The following GSE1 variants were observed in gnomAD, a reference collection of about 807,000 sequenced individuals.
The protein encoded by GSE1 is Gse1 coiled-coil protein.
In GSE1, 32 loss-of-function variants were observed where a neutral mutation model predicts 112.6. The ratio of observed to expected loss-of-function variants is 0.28; its 90% CI spans 0.21 to 0.38. The LOEUF is 0.38. Among genes scored for constraint, GSE1 ranks in the 10% least tolerant of loss-of-function variants. The probability of loss-of-function intolerance (pLI) is 1.00; values close to 1 mark genes in which losing one functional copy is unlikely to be tolerated. For missense variants in GSE1, 2,348 were observed against 1,699.2 expected, an observed-to-expected ratio of 1.38 and a Z score of -6.71; for synonymous variants, 1,115 against 735.6, an observed-to-expected ratio of 1.52 and a Z score of -8.35.
chr16:85,466,085 C>T (rs533428339), intron 2 of GSE1, among the ~76,000 whole-genome samples: 138 of 152,318 alleles, frequency 9.1e-4, no homozygotes, highest in African/African-American at 3.2e-3. Flanking sequence ...AGGTTCACAT[C>T]TCAGTGACAG....
chr16:85,482,462 G>A (rs1001267215), intron 2 of GSE1, among the ~76,000 whole-genome samples: 11 of 152,002 alleles, frequency 7.2e-5, no homozygotes, highest in African/African-American at 2.2e-4. Context: ...AGCGACCCGC[G>A]ACCTGCAGCG....
At chr16:85,377,048 T>C (rs563153991) in intron 2 of GSE1, among the ~76,000 whole-genome samples, 2 of 152,338 alleles carry the variant, frequency 1.3e-5, no homozygotes, top group Admixed American at 1.3e-4. Flanking sequence ...TGTTGATTTT[T>C]GGTTCTGGAA....
intron 1 of GSE1, among the ~76,000 whole-genome samples, chr16:85,331,252 A>G (rs895380477): frequency 4.0e-5 from 6 of 149,560 alleles, no homozygotes; most frequent in Non-Finnish European, 7.4e-5. Context: ...TCCCGAGTTC[A>G]AGCGATTCTC....
chr16:85,522,359 C>T lies in GSE1; in HGVS notation c.2465-111555C>T, dbSNP rs2052214714. 2.0e-5 allele frequency among the ~76,000 whole-genome samples: 3 copies of T among 152,024 alleles called. No homozygotes were observed. In the South Asian group the frequency reaches 6.2e-4, roughly 32 times the overall value. On this transcript the variant is annotated intron_variant, in intron 2 of 2. Transcript: ENST00000637419. ...AGCCCAGGGCCCACCCCATAGCCCC[C>T]TGCCCCCAGGATGCAGCTCTCCCTC... is the stretch of plus-strand genomic sequence containing the variant.
At chr16:85,613,126 G>A, upstream of GSE1, 1 of 1,168,614 alleles carries the variant, frequency 8.6e-7, no homozygotes, top group African/African-American at 1.6e-5. Context: ...GTGTGTTTGC[G>A]GCTGAAACCC....
intron 1 of GSE1, among the ~76,000 whole-genome samples, chr16:85,203,930 G>T (rs930380619): frequency 6.6e-6 from 1 of 151,998 alleles, no homozygotes; most frequent in East Asian, 1.9e-4. Context: ...GTAGAGATGG[G>T]GTCTCACTTT....
At chr16:85,478,859 CTTTCTTTCTTTCTT>C (rs1567520292) in intron 2 of GSE1, among the ~76,000 whole-genome samples, 2 of 22,236 alleles carry the variant, frequency 9.0e-5, no homozygotes, top group Non-Finnish European at 1.5e-4. Context: ...TTCTTTCTTT[CTTTCTTTCTTTCTT>C]TCTTTCTTTC....
chr16:85,623,359 G>C (rs951898500), intron 1 of GSE1, among the ~76,000 whole-genome samples: 3 of 152,172 alleles, frequency 2.0e-5, no homozygotes, highest in African/African-American at 4.8e-5. Flanking sequence ...GATTATAGGC[G>C]TGAGCCACTG....
chr16:85,584,853 C>A (rs540147191), intron 1 of GSE1, among the ~76,000 whole-genome samples: 156 of 152,066 alleles, frequency 1.0e-3, no homozygotes, highest in Non-Finnish European at 1.9e-3. Flanking sequence ...AAACGCGTGC[C>A]AAGGTGGAGG....
intron 1 of GSE1, among the ~76,000 whole-genome samples, chr16:85,193,134 A>G (rs1597766328): frequency 6.6e-6 from 1 of 152,148 alleles, no homozygotes; most frequent in South Asian, 2.1e-4. Flanking sequence ...CCTTTTCTGG[A>G]CTATTAAGAC....
chr16:85,656,005 G>A, intron 6 of GSE1, 88 bp downstream of exon 6: 2 of 1,068,078 alleles, frequency 1.9e-6, no homozygotes, highest in Non-Finnish European at 2.7e-6. Flanking sequence ...AACCTGACTG[G>A]ACTCCTTGGC....
At position 85,674,987 on chromosome 16, in the gene GSE1, A is replaced by C. The variant is rs560451780; in HGVS notation, c.*2448A>C. 1.3e-5 allele frequency: 2 copies of C among 152,748 alleles called. No homozygotes were observed. Among genetic ancestry groups the C allele is most frequent in the Non-Finnish European group, 2.9e-5 (2 of 68,032 alleles). The allele number at this position is 152,748 out of a possible 1,614,324, so 9.5% of individuals were successfully genotyped here. A position where few individuals can be genotyped will look rare whatever the true frequency, so the allele number is the denominator to read the frequency against. ...ACGAATAAACTAAGAAAAAGGTAAG[A>C]ACTGTCTCAAAAACGAAAGCACACC... On this transcript the variant is annotated 3_prime_UTR_variant, in exon 16 of 16. Coordinates refer to ENST00000253458, the MANE Select transcript of GSE1 (RefSeq NM_014615.5).
chr16:85,227,101 T>TCATC (rs71151273), intron 1 of GSE1, among the ~76,000 whole-genome samples: 6,342 of 151,754 alleles, frequency 0.042, 209 homozygotes, highest in East Asian at 0.18. Flanking sequence ...GTCCTTCTTT[T>TCATC]CATCCATCCA....
intron 11 of GSE1, among the ~76,000 whole-genome samples, chr16:85,664,356 G>A (rs1026182845): frequency 3.3e-5 from 5 of 152,258 alleles, no homozygotes; most frequent in East Asian, 1.9e-4. Flanking sequence ...GCTTCAAGGT[G>A]TTGATCAGGG....
At chr16:85,636,499 G>A (rs114817916) in intron 2 of GSE1, among the ~76,000 whole-genome samples, 441 of 152,310 alleles carry the variant, frequency 2.9e-3, no homozygotes, top group African/African-American at 0.01. Context: ...GCCACTCAGT[G>A]CACCTGGTCC....
At chr16:85,613,180 G>A, upstream of GSE1, 3 of 1,405,260 alleles carry the variant, frequency 2.1e-6, no homozygotes, top group Non-Finnish European at 2.8e-6. Context: ...GAGCGAGCCA[G>A]TGGCCCGGGA....
chr16:85,496,654 G>C (rs757184740), intron 2 of GSE1, among the ~76,000 whole-genome samples: 2 of 152,222 alleles, frequency 1.3e-5, no homozygotes, highest in Non-Finnish European at 2.9e-5. Context: ...ATGCTGTCAC[G>C]ACATATAGAG....
chr16:85,222,809 G>A (rs768292303), intron 1 of GSE1, among the ~76,000 whole-genome samples: 8 of 152,124 alleles, frequency 5.3e-5, no homozygotes, highest in Non-Finnish European at 1.0e-4. Context: ...CTGGTCTCCC[G>A]CTGCTGACGG....
At chr16:85,500,893 G>T (rs1009284305) in intron 2 of GSE1, among the ~76,000 whole-genome samples, 14 of 151,650 alleles carry the variant, frequency 9.2e-5, no homozygotes, top group Non-Finnish European at 1.8e-4. Flanking sequence ...GCCTCTGTCA[G>T]CACGTGGCTG....
Sources: allele counts gnomAD v4.1 joint callset (sites outside exome capture counted in the v4.1 genomes callset), GRCh38; gene constraint gnomAD v4.1.1; transcripts MANE v1.5; gene names NCBI Gene and HGNC (gene_info 2026-07-23, HGNC 2026-07-21).